The following CCSER1 variants were observed in gnomAD, a reference collection of about 807,000 sequenced individuals.
The protein encoded by CCSER1 is coiled-coil serine rich protein 1, also known as serine-rich coiled-coil domain-containing protein 1.
CCSER1 carries 41 observed loss-of-function variants against 82.0 expected under a neutral mutation model. The ratio of observed to expected loss-of-function variants is 0.50; its 90% confidence interval spans 0.39 to 0.65. The LOEUF is 0.65. CCSER1 is among the 30% of genes least tolerant of loss of function. The probability of loss-of-function intolerance (pLI) is 0.00; values close to 1 mark genes in which losing one functional copy is unlikely to be tolerated. For missense variants in CCSER1, 1,119 were observed against 1,064.2 expected, an observed-to-expected ratio of 1.05 and a Z score of -0.72; for synonymous variants, 414 against 383.9, an observed-to-expected ratio of 1.08 and a Z score of -0.92.
chr4:91,013,773 T>G (rs1739201129), intron 9 of CCSER1, among the ~76,000 whole-genome samples: 1 of 29,126 alleles, frequency 3.4e-5, no homozygotes, highest in African/African-American at 1.2e-4. Context: ...CAGCTATTGT[T>G]TTTGTATTTT....
intron 6 of CCSER1, among the ~76,000 whole-genome samples, chr4:90,721,860 C>T (rs560765231): frequency 2.2e-4 from 33 of 150,838 alleles, no homozygotes; most frequent in African/African-American, 6.6e-4. Flanking sequence ...TGTTGTCATA[C>T]GAGATTGATT....
At chr4:91,404,778 G>A (rs887916526) in intron 10 of CCSER1, among the ~76,000 whole-genome samples, 1 of 152,080 alleles carries the variant, frequency 6.6e-6, no homozygotes, top group South Asian at 2.1e-4. Flanking sequence ...TATAATTTCT[G>A]TTCTTTTACA....
chr4:91,508,821 A>G (rs1210772471), intron 10 of CCSER1, among the ~76,000 whole-genome samples: 1 of 151,166 alleles, frequency 6.6e-6, no homozygotes, highest in Non-Finnish European at 1.5e-5. Flanking sequence ...GGTTTTGGTA[A>G]TTTGTATCTT....
chr4:90,571,697 T>C (rs999233539), intron 5 of CCSER1, among the ~76,000 whole-genome samples: 5 of 152,150 alleles, frequency 3.3e-5, no homozygotes, highest in South Asian at 2.1e-4. Context: ...CTTGGTTTCA[T>C]GTAATATACC....
intron 6 of CCSER1, among the ~76,000 whole-genome samples, chr4:90,685,932 G>A (rs1579918076): frequency 2.6e-5 from 4 of 152,276 alleles, no homozygotes; most frequent in Admixed American, 2.6e-4. Context: ...AGGGAATGGG[G>A]ATGTGGAAAA....
At chr4:90,874,825 A>T (rs1411715347) in intron 8 of CCSER1, among the ~76,000 whole-genome samples, 1 of 152,140 alleles carries the variant, frequency 6.6e-6, no homozygotes, top group Non-Finnish European at 1.5e-5. Context: ...AGGCAGGCGG[A>T]TCACAAGGTC....
chr4:91,552,443 G>C lies in CCSER1; in HGVS notation c.2218-46129G>C, dbSNP rs1000528164. Among the ~76,000 whole-genome samples the C allele has an allele frequency of 2.6e-5, 4 of 151,628 alleles. 1 individual carries two copies. In the South Asian group the frequency reaches 8.3e-4, roughly 32 times the overall value. ...AAATTAATAATCAATAACCAATCAA[G>C]TAATTAACAAGATCATTATACAGAG... On this transcript the variant is annotated intron_variant, in intron 10 of 10. Transcript: ENST00000509176.
At position 91,370,013 on chromosome 4, in the gene CCSER1, C is replaced by G. The variant is rs372051678; in HGVS notation, c.2218-228559C>G. 1.8e-4 allele frequency among the ~76,000 whole-genome samples: 28 copies of G among 151,782 alleles called. 1 individual carries two copies. Among genetic ancestry groups the G allele is most frequent in the African/African-American group, 6.3e-4 (26 of 41,362 alleles). The stretch of plus-strand genomic sequence containing the variant: ...GCTTTTGAATTTTTGATTACTGAAC[C>G]CTTACTTCTAAACTATATGATACTT... On this transcript the variant is annotated intron_variant, in intron 10 of 10. Coordinates refer to ENST00000509176, the MANE Select transcript of CCSER1 (RefSeq NM_001145065.2).
At chr4:90,881,005 T>C (rs1721225961) in intron 8 of CCSER1, among the ~76,000 whole-genome samples, 1 of 150,970 alleles carries the variant, frequency 6.6e-6, no homozygotes, top group Non-Finnish European at 1.5e-5. Flanking sequence ...CCACGCACAC[T>C]AGCTGCTTCT....
At chr4:90,477,291 T>A (rs1044412613) in intron 5 of CCSER1, among the ~76,000 whole-genome samples, 1 of 152,216 alleles carries the variant, frequency 6.6e-6, no homozygotes, top group Non-Finnish European at 1.5e-5. Context: ...ACATCTCATC[T>A]CTATTTGGCA....
At chr4:91,173,746 T>C (rs1323789357) in intron 10 of CCSER1, among the ~76,000 whole-genome samples, 1 of 152,196 alleles carries the variant, frequency 6.6e-6, no homozygotes, top group Admixed American at 6.5e-5. Context: ...TTCCTGAGTG[T>C]ATGAGAGGCT....
At chr4:90,639,751 C>T (rs963126422) in intron 6 of CCSER1, among the ~76,000 whole-genome samples, 1 of 151,980 alleles carries the variant, frequency 6.6e-6, no homozygotes, top group South Asian at 2.1e-4. Flanking sequence ...CAGAAGGAAA[C>T]AAGAGTTCTA....
chr4:90,410,179 A>G (rs901275755), intron 4 of CCSER1, among the ~76,000 whole-genome samples: 1 of 152,160 alleles, frequency 6.6e-6, no homozygotes, highest in Non-Finnish European at 1.5e-5. Context: ...CACAATAATA[A>G]TGGGAGACAT....
chr4:91,389,523 CT>C (rs1316591691), intron 10 of CCSER1, among the ~76,000 whole-genome samples: 1 of 151,880 alleles, frequency 6.6e-6, no homozygotes, highest in Non-Finnish European at 1.5e-5. Context: ...CGTCTTCTAA[CT>C]TTGTTTTTTT....
chr4:90,359,827 G>GTATA (rs1189329874), intron 3 of CCSER1, among the ~76,000 whole-genome samples: 1 of 149,902 alleles, frequency 6.7e-6, no homozygotes. Context: ...ATAGATATGT[G>GTATA]TATATATATG....
intron 10 of CCSER1, among the ~76,000 whole-genome samples, chr4:91,507,850 G>A (rs371543639): frequency 1.3e-5 from 2 of 151,418 alleles, no homozygotes; most frequent in East Asian, 3.9e-4. Context: ...TTCTTTTATT[G>A]TGTTTTCCAA....
chr4:90,419,195 G>T (rs1172827136), intron 4 of CCSER1, among the ~76,000 whole-genome samples: 3 of 151,892 alleles, frequency 2.0e-5, no homozygotes, highest in African/African-American at 7.2e-5. Context: ...ATGAAATTGT[G>T]ATCTCAGTTG....
At chr4:90,522,664 TCTGTGACTTCATGGTCTCAGAAGA>T (rs1560654038) in intron 5 of CCSER1, among the ~76,000 whole-genome samples, 1 of 152,180 alleles carries the variant, frequency 6.6e-6, no homozygotes, top group Non-Finnish European at 1.5e-5. Context: ...GTGAAGACTT[TCTGTGACTTCATGGTCTCAGAAGA>T]CTGTGACTTC....
intron 4 of CCSER1, among the ~76,000 whole-genome samples, chr4:90,442,909 C>A (rs1760108610): frequency 6.6e-6 from 1 of 152,090 alleles, no homozygotes. Flanking sequence ...GGTCTCAGTT[C>A]TTACCCAAAT....
Sources: gnomAD v4.1 joint callset for allele counts (sites outside exome capture counted in the v4.1 genomes callset) on GRCh38, gnomAD v4.1.1 for gene constraint, MANE v1.5 for transcripts, NCBI Gene and HGNC (gene_info 2026-07-23, HGNC 2026-07-21) for gene names.